NRXN3: variants seen among roughly 807,000 people sequenced by gnomAD.
The protein encoded by NRXN3 is neurexin 3, also known as neurexin III.
NRXN3 carries 32 observed loss-of-function variants against 137.6 expected under a neutral mutation model. The ratio of observed to expected loss-of-function variants is 0.23; its 90% CI spans 0.18 to 0.31. NRXN3 has a LOEUF of 0.31. Among genes scored for constraint, NRXN3 ranks in the 10% least tolerant of loss-of-function variants. The pLI is 1.00. For synonymous variants in NRXN3, 798 were observed against 784.5 expected (o/e 1.02, Z -0.29); for missense variants, 1,574 against 2,062.5 (o/e 0.76, Z 4.59).
intron 20 of NRXN3, among the ~76,000 whole-genome samples, chr14:79,856,219 T>G (rs7148119): frequency 0.12 from 18,774 of 152,164 alleles, 1,264 homozygotes; most frequent in Middle Eastern, 0.18. Flanking sequence ...GTTTTTCTAC[T>G]GTCTTCTCCC....
chr14:79,279,506 C>G (rs1053224657), intron 15 of NRXN3: 11 of 986,296 alleles, frequency 1.1e-5, no homozygotes, highest in Non-Finnish European at 1.3e-5. Context: ...CCACCTCCCT[C>G]CACCCCGTGC....
intron 4 of NRXN3, among the ~76,000 whole-genome samples, chr14:78,374,275 A>C (rs781196830): frequency 2.6e-5 from 4 of 152,194 alleles, no homozygotes; most frequent in Non-Finnish European, 5.9e-5. Context: ...TAGGTACTCC[A>C]AGCAAATCTT....
At chr14:78,902,403 A>G (rs2099199599) in intron 10 of NRXN3, among the ~76,000 whole-genome samples, 1 of 152,118 alleles carries the variant, frequency 6.6e-6, no homozygotes, top group South Asian at 2.1e-4. Flanking sequence ...TGATAACAGT[A>G]TTAGATTATA....
intron 19 of NRXN3, among the ~76,000 whole-genome samples, chr14:79,778,802 A>C (rs986470457): frequency 6.6e-6 from 1 of 152,176 alleles, no homozygotes; most frequent in Non-Finnish European, 1.5e-5. Context: ...CGAAAGACTC[A>C]GGTTACTTTT....
chr14:79,049,769 ATGAAATGAAG>A (rs2099639236), intron 15 of NRXN3, among the ~76,000 whole-genome samples: 1 of 152,140 alleles, frequency 6.6e-6, no homozygotes, highest in South Asian at 2.1e-4. Flanking sequence ...ATAAAGCACG[ATGAAATGAAG>A]TGCAATAAGA....
chr14:79,846,398 G>T (rs2099372672), intron 20 of NRXN3, among the ~76,000 whole-genome samples: 1 of 152,070 alleles, frequency 6.6e-6, no homozygotes. Context: ...TAAATAGAAA[G>T]GAGAGAAAAA....
At chr14:78,728,998 C>T (rs986418173) in intron 8 of NRXN3, among the ~76,000 whole-genome samples, 1 of 152,170 alleles carries the variant, frequency 6.6e-6, no homozygotes, top group Non-Finnish European at 1.5e-5. Flanking sequence ...CCCTTTTTAG[C>T]CTCAGTTTTC....
At chr14:78,882,144 GATGTATGGAA>G (rs1184533268) in intron 10 of NRXN3, among the ~76,000 whole-genome samples, 1 of 151,870 alleles carries the variant, frequency 6.6e-6, no homozygotes, top group Non-Finnish European at 1.5e-5. Context: ...GATTTCAGAG[GATGTATGGAA>G]ACACCTGGAT....
intron 15 of NRXN3, among the ~76,000 whole-genome samples, chr14:79,305,235 G>C (rs535041545): frequency 6.6e-6 from 1 of 152,054 alleles, no homozygotes. Context: ...TTAGCTTAAT[G>C]CCTAGCATTC....
chr14:79,069,719 T>A (rs1236802969), intron 15 of NRXN3, among the ~76,000 whole-genome samples: 1 of 152,146 alleles, frequency 6.6e-6, no homozygotes, highest in Non-Finnish European at 1.5e-5. Context: ...CTGGTGATTA[T>A]ATTGTGACAC....
At chr14:79,583,325 A>G (rs1434996030) in intron 16 of NRXN3, among the ~76,000 whole-genome samples, 1 of 152,216 alleles carries the variant, frequency 6.6e-6, no homozygotes, top group Non-Finnish European at 1.5e-5. Flanking sequence ...CTGCCTGGGT[A>G]TAAAGCAGCT....
rs1359862138 is a variant in NRXN3 at position 78,696,970 on chromosome 14, A to C, written c.1222-12247A>C. 1.3e-5 allele frequency among the ~76,000 whole-genome samples: 2 copies of C among 152,080 alleles called. 1 individual carries two copies. The highest frequency in any genetic ancestry group is 2.9e-5 in the Non-Finnish European group (2 of 68,002). The stretch of plus-strand genomic sequence containing the variant: ...AACCCAAGTTCTGCAAAGGCATGTC[A>C]TGGGAGCCACTGTTCCCAGTTCCCA... On this transcript the variant is annotated intron_variant, in intron 6 of 20. Transcript: ENST00000335750.
chr14:78,263,050 C>CTT (rs4019969), intron 2 of NRXN3, among the ~76,000 whole-genome samples: 128,088 of 150,732 alleles, frequency 0.85, 54,485 homozygotes, highest in East Asian at 0.95. Flanking sequence ...GGTGAAGTCA[C>CTT]TTTTTTTTTA....
At chr14:78,264,918 A>G (rs749406142) in intron 2 of NRXN3, among the ~76,000 whole-genome samples, 34 of 152,120 alleles carry the variant, frequency 2.2e-4, no homozygotes, top group Admixed American at 2.0e-3. Flanking sequence ...TGAAGGCTCT[A>G]GTGTTTAAGA....
chr14:78,413,374 C>T (rs889359580), intron 4 of NRXN3, among the ~76,000 whole-genome samples: 21 of 152,202 alleles, frequency 1.4e-4, no homozygotes, highest in African/African-American at 3.9e-4. Flanking sequence ...CAACCTCCAC[C>T]TACTGGGTTC....
intron 4 of NRXN3, among the ~76,000 whole-genome samples, chr14:78,573,183 C>A (rs1231245396): frequency 6.6e-6 from 1 of 152,140 alleles, no homozygotes; most frequent in Non-Finnish European, 1.5e-5. Context: ...GAACTGTGAG[C>A]CAGTTGAACC....
intron 15 of NRXN3, among the ~76,000 whole-genome samples, chr14:79,335,391 T>C (rs746976273): frequency 6.6e-5 from 10 of 152,120 alleles, no homozygotes; most frequent in Admixed American, 1.3e-4. Flanking sequence ...ATTTTATTTA[T>C]TTTCTTCTTC....
At chr14:79,491,689 G>A (rs2096719007) in intron 16 of NRXN3, among the ~76,000 whole-genome samples, 1 of 152,132 alleles carries the variant, frequency 6.6e-6, no homozygotes, top group African/African-American at 2.4e-5. Flanking sequence ...GAGAGAGAGA[G>A]AGAGAGAATG....
At chr14:79,709,439 C>G (rs1481279652) in intron 19 of NRXN3, among the ~76,000 whole-genome samples, 1 of 152,116 alleles carries the variant, frequency 6.6e-6, no homozygotes, top group Admixed American at 6.5e-5. Flanking sequence ...CCCCTTCTTC[C>G]TGTCCCTTAC....
Sources: allele counts gnomAD v4.1 joint callset (sites outside exome capture counted in the v4.1 genomes callset), GRCh38; gene constraint gnomAD v4.1.1; transcripts MANE v1.5; gene names NCBI Gene and HGNC (gene_info 2026-07-23, HGNC 2026-07-21).